The following KCNIP4 variants were observed in gnomAD, a reference collection of about 807,000 sequenced individuals.
The protein encoded by KCNIP4 is Kv channel-interacting protein 4.
In KCNIP4, 12 loss-of-function variants were observed where a neutral mutation model predicts 34.0. The observed-to-expected ratio is 0.35, with a 90% CI of 0.23 to 0.57. The LOEUF is 0.57. KCNIP4 is among the 20% of genes least tolerant of loss of function. The pLI is 0.83. For missense variants in KCNIP4, 238 were observed against 311.7 expected (o/e 0.76, Z 1.78); for synonymous variants, 124 against 102.2 (o/e 1.21, Z -1.29).
At chr4:21,550,598 C>T (rs901601289) in intron 1 of KCNIP4, among the ~76,000 whole-genome samples, 8 of 152,072 alleles carry the variant, frequency 5.3e-5, no homozygotes, top group African/African-American at 1.7e-4. Flanking sequence ...ATAGCATCAT[C>T]GGTCCCTGAT....
chr4:21,054,014 G>GTAGATATTGACAAAATA (rs1217118273), intron 1 of KCNIP4, among the ~76,000 whole-genome samples: 1 of 152,056 alleles, frequency 6.6e-6, no homozygotes, highest in Non-Finnish European at 1.5e-5. Flanking sequence ...AAATGATTTT[G>GTAGATATTGACAAAATA]TAGATATTGA....
intron 1 of KCNIP4, among the ~76,000 whole-genome samples, chr4:21,093,977 G>A (rs1747239286): frequency 1.3e-5 from 2 of 152,172 alleles, no homozygotes; most frequent in Admixed American, 6.5e-5. Flanking sequence ...AGCTACTCAG[G>A]AGGCTGAGGC....
intron 1 of KCNIP4, among the ~76,000 whole-genome samples, chr4:21,501,688 T>TTG (rs370071298): frequency 0.02 from 2,489 of 127,288 alleles, 36 homozygotes; most frequent in African/African-American, 0.022. Flanking sequence ...TGCAGAAGCC[T>TTG]TGTGTGTGTG....
At chr4:21,127,191 A>C (rs1258814907) in intron 1 of KCNIP4, among the ~76,000 whole-genome samples, 1 of 152,200 alleles carries the variant, frequency 6.6e-6, no homozygotes. Context: ...CTAAGAGCCC[A>C]GGATGTCAGT....
At chr4:21,927,816 C>T (rs772447349) in intron 1 of KCNIP4, among the ~76,000 whole-genome samples, 15 of 152,062 alleles carry the variant, frequency 9.9e-5, no homozygotes, top group Middle Eastern at 6.8e-3. Context: ...ACGTTAAATC[C>T]ATTATCCACA....
intron 1 of KCNIP4, among the ~76,000 whole-genome samples, chr4:21,309,746 T>A (rs939735136): frequency 6.6e-6 from 1 of 152,166 alleles, no homozygotes; most frequent in African/African-American, 2.4e-5. Flanking sequence ...GAAACCCAAG[T>A]CTGACTCCAG....
chr4:20,805,904 A>G (rs1715015682), intron 3 of KCNIP4, among the ~76,000 whole-genome samples: 1 of 152,082 alleles, frequency 6.6e-6, no homozygotes, highest in South Asian at 2.1e-4. Context: ...AGTCATGTAA[A>G]TGTACTAGGG....
intron 1 of KCNIP4, among the ~76,000 whole-genome samples, chr4:21,248,003 A>C (rs766357354): frequency 8.3e-4 from 88 of 106,004 alleles, no homozygotes; most frequent in East Asian, 2.7e-3. Context: ...ACACACACAC[A>C]CCCCCCACAG....
chr4:20,975,171 A>G (rs1202637204), intron 1 of KCNIP4, among the ~76,000 whole-genome samples: 2 of 152,244 alleles, frequency 1.3e-5, no homozygotes, highest in African/African-American at 4.8e-5. Flanking sequence ...CCATGATCTT[A>G]TCCACTACTT....
chr4:21,089,493 G>T (rs1746782591), intron 1 of KCNIP4, among the ~76,000 whole-genome samples: 1 of 152,114 alleles, frequency 6.6e-6, no homozygotes, highest in Admixed American at 6.5e-5. Flanking sequence ...AACTAATACA[G>T]CACTGAATCT....
chr4:21,092,404 T>A (rs977623154), intron 1 of KCNIP4, among the ~76,000 whole-genome samples: 7 of 152,178 alleles, frequency 4.6e-5, no homozygotes, highest in African/African-American at 1.7e-4. Flanking sequence ...ATGCCATTTT[T>A]AGATTACAGA....
intron 1 of KCNIP4, among the ~76,000 whole-genome samples, chr4:21,012,248 C>T (rs1229350564): frequency 2.6e-5 from 4 of 152,064 alleles, no homozygotes; most frequent in Non-Finnish European, 4.4e-5. Flanking sequence ...AATCTAGGCT[C>T]TCCCAGGGAG....
At chr4:21,192,985 C>T (rs1400006515) in intron 1 of KCNIP4, among the ~76,000 whole-genome samples, 1 of 150,144 alleles carries the variant, frequency 6.7e-6, no homozygotes, top group Admixed American at 6.6e-5. Context: ...GGTGTGGTGG[C>T]ACATGCCTGT....
intron 1 of KCNIP4, among the ~76,000 whole-genome samples, chr4:21,830,524 C>T (rs919474030): frequency 2.0e-5 from 3 of 151,918 alleles, no homozygotes; most frequent in African/African-American, 7.2e-5. Context: ...AAACACAATA[C>T]AAAAATTCGC....
intron 1 of KCNIP4, among the ~76,000 whole-genome samples, chr4:21,542,464 T>C (rs894104717): frequency 9.2e-5 from 14 of 152,132 alleles, no homozygotes; most frequent in African/African-American, 3.4e-4. Context: ...TTACAATTTA[T>C]AAACATGTTT....
rs1750828693 is a variant in KCNIP4 at position 21,686,723 on chromosome 4, T to C, written c.61+261848A>G. ...GATTGGAAGAAGTACCAGGTAGAGA[T>C]AGAACAGAACCATAACACAGATTAG... On this transcript the variant is annotated intron_variant, in intron 1 of 8. Transcript: ENST00000382152. Among the ~76,000 whole-genome samples, 4 of 152,152 alleles carry C rather than the reference T, an allele frequency of 2.6e-5. No individual in the cohort carries two copies. The South Asian group carries it at 8.3e-4, about 32-fold the overall frequency.
intron 1 of KCNIP4, among the ~76,000 whole-genome samples, chr4:21,169,624 G>C (rs1203853224): frequency 6.6e-6 from 1 of 150,484 alleles, no homozygotes; most frequent in Non-Finnish European, 1.5e-5. Context: ...ATTTGGTTTT[G>C]TTTGGGTTTC....
intron 1 of KCNIP4, among the ~76,000 whole-genome samples, chr4:21,552,416 G>A (rs556436251): frequency 6.6e-6 from 1 of 152,230 alleles, no homozygotes; most frequent in South Asian, 2.1e-4. Flanking sequence ...TAACTTAGTG[G>A]ATTGAGACAG....
At chr4:21,310,694 C>T (rs536250672) in intron 1 of KCNIP4, among the ~76,000 whole-genome samples, 3 of 151,878 alleles carry the variant, frequency 2.0e-5, no homozygotes, top group African/African-American at 4.8e-5. Flanking sequence ...TGCAGTGGCG[C>T]GATTTCGGGT....
Sources: allele counts gnomAD v4.1 joint callset (sites outside exome capture counted in the v4.1 genomes callset), GRCh38; gene constraint gnomAD v4.1.1; transcripts MANE v1.5; gene names NCBI Gene and HGNC (gene_info 2026-07-23, HGNC 2026-07-21).